CDKAL1: variants seen among roughly 807,000 people sequenced by gnomAD.
CDKAL1 encodes the protein threonylcarbamoyladenosine tRNA methylthiotransferase.
Under a neutral mutation model 68.2 loss-of-function variants are expected in CDKAL1, and 32 were observed. That is an observed-to-expected ratio of 0.47 (90% CI 0.35 to 0.63). The LOEUF (loss-of-function observed/expected upper bound fraction) is 0.63. CDKAL1 is among the 30% of genes least tolerant of loss of function. The pLI, the probability that CDKAL1 is intolerant of heterozygous loss-of-function variation, is 0.00. For synonymous variants in CDKAL1, 234 were observed against 244.3 expected, an observed-to-expected ratio of 0.96 and a Z score of 0.39; for missense variants, 606 against 696.7, an observed-to-expected ratio of 0.87 and a Z score of 1.47.
At chr6:20,846,027 T>A (rs764768573) in intron 8 of CDKAL1, 48 bp from the exon 9 acceptor site, 1 of 1,182,660 alleles carries the variant, frequency 8.5e-7, no homozygotes, top group Middle Eastern at 1.9e-4. Context: ...GTTAAGTATA[T>A]GCTATCTTTA....
intron 4 of CDKAL1, among the ~76,000 whole-genome samples, chr6:20,556,162 C>T (rs1014572685): frequency 1.8e-4 from 28 of 151,776 alleles, no homozygotes; most frequent in Non-Finnish European, 2.9e-4. Flanking sequence ...GTCAGGAGTT[C>T]GAGACCAGCC....
intron 11 of CDKAL1, among the ~76,000 whole-genome samples, chr6:21,044,611 G>C (rs887270107): frequency 6.6e-6 from 1 of 152,162 alleles, no homozygotes; most frequent in Non-Finnish European, 1.5e-5. Flanking sequence ...TGTTGACATA[G>C]TATAATCATT....
At chr6:21,200,068 A>T (rs2151108021) in intron 14 of CDKAL1, among the ~76,000 whole-genome samples, 1 of 152,364 alleles carries the variant, frequency 6.6e-6, no homozygotes, top group East Asian at 1.9e-4. Context: ...TTGTATCTAG[A>T]TATCCAAGTA....
At chr6:20,970,984 G>A (rs961985341) in intron 10 of CDKAL1, among the ~76,000 whole-genome samples, 1 of 152,126 alleles carries the variant, frequency 6.6e-6, no homozygotes, top group Non-Finnish European at 1.5e-5. Context: ...GAGTAGCTGG[G>A]ACTACAGGCA....
chr6:20,742,483 A>T (rs1471566765), intron 6 of CDKAL1, among the ~76,000 whole-genome samples: 2 of 152,040 alleles, frequency 1.3e-5, no homozygotes, highest in Non-Finnish European at 2.9e-5. Flanking sequence ...TGCATCTTTT[A>T]CTTAATTGTA....
chr6:20,770,823 G>T (rs1774909829), intron 7 of CDKAL1, among the ~76,000 whole-genome samples: 1 of 152,166 alleles, frequency 6.6e-6, no homozygotes, highest in Non-Finnish European at 1.5e-5. Flanking sequence ...AGGAAATCTA[G>T]GAAAAGGTAC....
At chr6:20,876,346 A>G (rs1193704678) in intron 9 of CDKAL1, among the ~76,000 whole-genome samples, 1 of 152,214 alleles carries the variant, frequency 6.6e-6, no homozygotes, top group African/African-American at 2.4e-5. Flanking sequence ...ACAAATGCGG[A>G]GGATAGATTA....
intron 11 of CDKAL1, among the ~76,000 whole-genome samples, chr6:21,039,074 A>C (rs1448414276): frequency 6.6e-6 from 1 of 152,170 alleles, no homozygotes; most frequent in African/African-American, 2.4e-5. Context: ...ACGGACTGAT[A>C]CCAGTCCATG....
At chr6:20,570,135 G>A (rs1764637884) in intron 4 of CDKAL1, among the ~76,000 whole-genome samples, 1 of 152,048 alleles carries the variant, frequency 6.6e-6, no homozygotes, top group African/African-American at 2.4e-5. Context: ...TTGAGACGGA[G>A]TCTCTGTCGC....
chr6:21,049,817 CT>C (rs58277582), intron 11 of CDKAL1, among the ~76,000 whole-genome samples: 6,457 of 137,010 alleles, frequency 0.047, 368 homozygotes, highest in African/African-American at 0.14. Context: ...GTCTCTCATC[CT>C]TTTTTTTTTT....
chr6:20,996,486 A>G (rs1767116369), intron 10 of CDKAL1, among the ~76,000 whole-genome samples: 1 of 152,194 alleles, frequency 6.6e-6, no homozygotes. Flanking sequence ...CCTAATTTCA[A>G]TATTGTTGTA....
intron 5 of CDKAL1, among the ~76,000 whole-genome samples, chr6:20,649,768 T>G (rs62397617): frequency 0.037 from 5,612 of 152,286 alleles, 113 homozygotes; most frequent in Middle Eastern, 0.068. Context: ...CCTCCCTGTG[T>G]CCATGTGTTC....
chr6:20,550,070 C>CG (rs1182561981), intron 4 of CDKAL1, among the ~76,000 whole-genome samples: 2 of 151,834 alleles, frequency 1.3e-5, no homozygotes, highest in African/African-American at 4.8e-5. Context: ...CCTCTGCCTC[C>CG]GGGGTTCAAG....
At chr6:20,606,548 AG>A (rs1269268854) in intron 4 of CDKAL1, among the ~76,000 whole-genome samples, 1 of 152,224 alleles carries the variant, frequency 6.6e-6, no homozygotes, top group Non-Finnish European at 1.5e-5. Context: ...AAATAAATAC[AG>A]GGTGAGAAAA....
intron 5 of CDKAL1, among the ~76,000 whole-genome samples, chr6:20,655,262 T>C (rs1431270324): frequency 6.6e-6 from 1 of 152,182 alleles, no homozygotes. Flanking sequence ...GGGACTTAGT[T>C]GTAGTAGCAA....
chr6:20,694,214 G>A (rs191973594), intron 5 of CDKAL1, among the ~76,000 whole-genome samples: 8 of 150,180 alleles, frequency 5.3e-5, no homozygotes, highest in East Asian at 1.9e-4. Context: ...ACAAACAAAC[G>A]TATTTTTTGT....
intron 13 of CDKAL1, among the ~76,000 whole-genome samples, chr6:21,155,154 A>G (rs1776588146): frequency 6.6e-6 from 1 of 152,248 alleles, no homozygotes; most frequent in Non-Finnish European, 1.5e-5. Context: ...GTTGTAAAAA[A>G]TTTTATAATT....
At chr6:21,022,646 C>T (rs1768729945) in intron 11 of CDKAL1, among the ~76,000 whole-genome samples, 1 of 152,138 alleles carries the variant, frequency 6.6e-6, no homozygotes, top group Non-Finnish European at 1.5e-5. Flanking sequence ...CACGGTCTCC[C>T]TCCCTGAGCT....
chr6:20,727,764 AT>A (rs1772721255), intron 5 of CDKAL1, among the ~76,000 whole-genome samples: 3 of 152,086 alleles, frequency 2.0e-5, no homozygotes, highest in Admixed American at 2.0e-4. Context: ...CTATAGTGGC[AT>A]ATTTTTGGAT....
Sources: gnomAD v4.1 joint callset for allele counts (sites outside exome capture counted in the v4.1 genomes callset) on GRCh38, gnomAD v4.1.1 for gene constraint, MANE v1.5 for transcripts, NCBI Gene and HGNC (gene_info 2026-07-23, HGNC 2026-07-21) for gene names.